SLC38A6: variants seen among roughly 807,000 people sequenced by gnomAD.
SLC38A6 encodes the protein N system amino acid transporter NAT-1.
A neutral mutation model predicts 65.0 loss-of-function variants in SLC38A6; 73 were observed. The ratio of observed to expected loss-of-function variants is 1.12; its 90% CI spans 0.93 to 1.37. The LOEUF (loss-of-function observed/expected upper bound fraction) is 1.37, where lower values mean the gene tolerates loss of function less well. SLC38A6 is among the 40% of genes most tolerant of loss of function. SLC38A6 has a pLI of 0.00. For synonymous variants in SLC38A6, 183 were observed against 178.8 expected, an observed-to-expected ratio of 1.02 and a Z score of -0.19; for missense variants, 561 against 531.1, an observed-to-expected ratio of 1.06 and a Z score of -0.55.
chr14:61,007,934 A>G (rs1044658770), intron 3 of SLC38A6, among the ~76,000 whole-genome samples: 1 of 152,136 alleles, frequency 6.6e-6, no homozygotes, highest in African/African-American at 2.4e-5. Context: ...AATTTTTGTG[A>G]TAGCTTTTAC....
intron 5 of SLC38A6, among the ~76,000 whole-genome samples, chr14:61,020,509 G>GT (rs2040290511): frequency 6.6e-6 from 1 of 151,972 alleles, no homozygotes; most frequent in African/African-American, 2.4e-5. Context: ...TCGTTAATAG[G>GT]TTTTTTTGGT....
intron 3 of SLC38A6, among the ~76,000 whole-genome samples, chr14:61,013,722 T>A (rs1485792226): frequency 2.0e-5 from 3 of 152,248 alleles, no homozygotes; most frequent in Non-Finnish European, 4.4e-5. Flanking sequence ...CCCCAATGTC[T>A]TCTGGCTTGT....
downstream of SLC38A6, among the ~76,000 whole-genome samples, chr14:61,054,706 T>C (rs1205951668): frequency 6.6e-6 from 1 of 152,210 alleles, no homozygotes; most frequent in African/African-American, 2.4e-5. Flanking sequence ...CTAGTAATTT[T>C]TGTACATTGA....
chr14:61,043,627 G>T, intron 10 of SLC38A6, 124 bp downstream of exon 10: 3 of 432,410 alleles, frequency 6.9e-6, no homozygotes, highest in Non-Finnish European at 1.2e-5. Context: ...AAAGTGCTAA[G>T]TATAGGATTG....
intron 3 of SLC38A6, among the ~76,000 whole-genome samples, chr14:61,012,703 T>A (rs530648512): frequency 6.6e-6 from 1 of 152,204 alleles, no homozygotes; most frequent in Non-Finnish European, 1.5e-5. Context: ...GTTGAGTTAG[T>A]TTCTTAATCC....
At chr14:61,000,856 G>C (rs1173791065) in intron 3 of SLC38A6, among the ~76,000 whole-genome samples, 1 of 152,158 alleles carries the variant, frequency 6.6e-6, no homozygotes, top group Non-Finnish European at 1.5e-5. Context: ...AATCACAGAA[G>C]AATTAAAACT....
chr14:61,026,677 C>G (rs554260528), intron 5 of SLC38A6, among the ~76,000 whole-genome samples: 1 of 151,774 alleles, frequency 6.6e-6, no homozygotes, highest in African/African-American at 2.4e-5. Context: ...TTTCACTTTG[C>G]TCCTGCACTT....
chr14:61,008,271 A>G (rs1433519496), intron 3 of SLC38A6, among the ~76,000 whole-genome samples: 3 of 149,670 alleles, frequency 2.0e-5, no homozygotes, highest in Admixed American at 1.4e-4. Context: ...TAATTAGTAG[A>G]TCTCATTATT....
intron 15 of SLC38A6, among the ~76,000 whole-genome samples, chr14:61,074,277 T>C (rs1213062487): frequency 3.3e-5 from 5 of 152,244 alleles, no homozygotes; most frequent in South Asian, 2.1e-4. Flanking sequence ...TTGAAAATTA[T>C]TTTTTGTAAA....
At chr14:61,009,381 G>A (rs1247387366) in intron 3 of SLC38A6, among the ~76,000 whole-genome samples, 1 of 151,812 alleles carries the variant, frequency 6.6e-6, no homozygotes, top group East Asian at 1.9e-4. Flanking sequence ...GGAAAAAGGG[G>A]AAATAACTTT....
chr14:60,999,904 T>C (rs1483826383), intron 3 of SLC38A6, among the ~76,000 whole-genome samples: 2 of 152,184 alleles, frequency 1.3e-5, no homozygotes, highest in Admixed American at 6.5e-5. Flanking sequence ...TTCTGGACTT[T>C]AGAACTGAGA....
At chr14:61,000,870 T>C (rs2139374031) in intron 3 of SLC38A6, among the ~76,000 whole-genome samples, 1 of 152,330 alleles carries the variant, frequency 6.6e-6, no homozygotes, top group South Asian at 2.1e-4. Flanking sequence ...TAAAACTGAC[T>C]GAAAGGCAAT....
intron 15 of SLC38A6, among the ~76,000 whole-genome samples, chr14:61,068,940 G>A (rs535208518): frequency 1.3e-5 from 2 of 152,222 alleles, no homozygotes; most frequent in East Asian, 3.9e-4. Flanking sequence ...ATGCCTCCTA[G>A]ATTTGCTTTT....
At chr14:61,077,288 C>T (rs1033275500) in intron 15 of SLC38A6, among the ~76,000 whole-genome samples, 1 of 152,178 alleles carries the variant, frequency 6.6e-6, no homozygotes, top group Non-Finnish European at 1.5e-5. Flanking sequence ...AAGATTTCTT[C>T]ACTTCTAATG....
intron 12 of SLC38A6, 61 bp from the exon 13 acceptor site, chr14:61,050,451 A>G: frequency 1.7e-6 from 2 of 1,187,330 alleles, no homozygotes; most frequent in African/African-American, 3.1e-5. Context: ...AAAGGAAAAC[A>G]ATTTTGTTAC....
chr14:61,019,447 G>A, intron 4 of SLC38A6, 94 bp from the exon 5 acceptor site: 3 of 1,264,860 alleles, frequency 2.4e-6, no homozygotes, highest in Non-Finnish European at 3.3e-6. Flanking sequence ...TTCTGCATCT[G>A]CTTTTTTAGT....
At chr14:61,015,490 G>T (rs1427295911) in intron 3 of SLC38A6, among the ~76,000 whole-genome samples, 1 of 149,108 alleles carries the variant, frequency 6.7e-6, no homozygotes, top group Admixed American at 6.8e-5. Context: ...CTTTTAATAT[G>T]TACAGCTTGA....
intron 3 of SLC38A6, among the ~76,000 whole-genome samples, chr14:60,990,641 ATT>A (rs1594967372): frequency 6.6e-6 from 1 of 151,588 alleles, no homozygotes; most frequent in Non-Finnish European, 1.5e-5. Flanking sequence ...TTCAAAAAAA[ATT>A]TTTTTTCGAG....
In SLC38A6 at chr14:61,051,776, C is replaced by T. The variant is rs1422056919; in HGVS notation, c.1051-11C>T. 3 of 1,609,352 alleles carry T rather than the reference C, an allele frequency of 1.9e-6. No individual in the cohort carries two copies. The South Asian group carries it at 3.3e-5, about 18-fold the overall frequency. On this transcript the variant is annotated splice_polypyrimidine_tract_variant and intron_variant, in intron 13 of 15. Transcript: ENST00000267488. ...TCCTCTTCGCTATATGTTTATTTTTCTGTAATACAGGCCAGAAAAGCTGTA... is the reference window on the plus strand; with the variant it reads ...TCCTCTTCGCTATATGTTTATTTTTTTGTAATACAGGCCAGAAAAGCTGTA...
Sources: allele counts gnomAD v4.1 joint callset (sites outside exome capture counted in the v4.1 genomes callset), GRCh38; gene constraint gnomAD v4.1.1; transcripts MANE v1.5; gene names NCBI Gene and HGNC (gene_info 2026-07-23, HGNC 2026-07-21).